The following ISY1 variants were observed in gnomAD, a reference collection of about 807,000 sequenced individuals.
The protein encoded by ISY1 is ISY1 spliceosome associated protein.
ISY1 carries 12 observed loss-of-function variants against 54.4 expected under a neutral mutation model. The observed-to-expected ratio is 0.22, with a 90% confidence interval of 0.14 to 0.36. ISY1 has a LOEUF of 0.36. Among genes scored for constraint, ISY1 ranks in the 10% least tolerant of loss-of-function variants. The pLI is 1.00. For synonymous variants in ISY1, 96 were observed against 117.9 expected (o/e 0.81, Z 1.20); for missense variants, 282 against 342.2 (o/e 0.82, Z 1.39).
intron 9 of ISY1, among the ~76,000 whole-genome samples, chr3:129,133,051 G>A (rs796505607): frequency 2.6e-5 from 4 of 152,282 alleles, no homozygotes; most frequent in East Asian, 1.9e-4. Context: ...ACCTGTGCAG[G>A]CAGCAAGGAC....
At chr3:129,156,398 CAAAAA>C (rs11437245) in intron 5 of ISY1, among the ~76,000 whole-genome samples, 166 of 115,312 alleles carry the variant, frequency 1.4e-3, no homozygotes, top group Non-Finnish European at 2.1e-3. Context: ...GACTCTGTCT[CAAAAA>C]AAAAAAAAAA....
rs1937292057 is a variant in ISY1, at chr3:129,160,930, GCCCGCCCATCCACTCGCTCCCTCA to G, written c.3+19_3+42del. 1.8e-6 allele frequency: 1 copy of G among 548,510 alleles called. No homozygotes were observed. The highest frequency in any genetic ancestry group is 3.0e-6 in the Non-Finnish European group (1 of 331,004). The allele number at this position is 548,510 out of a possible 1,614,324, so 34.0% of individuals were successfully genotyped here. ...AGGTGGACTGGGCGCCCCCCCGCCC[GCCCGCCCATCCACTCGCTCCCTCA>G]CCCGCCCACCCTACTCACCATGGTG... On this transcript the variant is annotated intron_variant, in intron 1 of 10. Transcript: ENST00000393295.
chr3:129,135,621 A>G (rs1936372104), intron 7 of ISY1, among the ~76,000 whole-genome samples: 1 of 151,450 alleles, frequency 6.6e-6, no homozygotes, highest in Non-Finnish European at 1.5e-5. Flanking sequence ...AAAATTAGCC[A>G]GGCATGGTGG....
Position 129,138,905 on chromosome 3 carries a change from T to C in ISY1, c.418+1463A>G, listed in dbSNP as rs535233587. Reference sequence around the variant, plus strand: ...TCATCACATATGAGGTGTGAAAATGTGAGTGGTTTTTTTCTGATTTTCTGT... The same window carrying C: ...TCATCACATATGAGGTGTGAAAATGCGAGTGGTTTTTTTCTGATTTTCTGT... On this transcript the variant is annotated intron_variant, in intron 7 of 10. Coordinates refer to ENST00000393295, the MANE Select transcript of ISY1 (RefSeq NM_020701.4). Among the ~76,000 whole-genome samples, 4 of 151,912 alleles carry C rather than the reference T, an allele frequency of 2.6e-5. No individual in the cohort carries two copies. The South Asian group carries it at 6.2e-4, about 24-fold the overall frequency.
chr3:129,158,104 C>A (rs1302098577), intron 3 of ISY1, among the ~76,000 whole-genome samples: 2 of 151,430 alleles, frequency 1.3e-5, no homozygotes, highest in African/African-American at 4.9e-5. Flanking sequence ...AGTGATCCAC[C>A]CCCCTCAGCC....
chr3:129,147,864 A>G (rs1271722579), intron 5 of ISY1, among the ~76,000 whole-genome samples: 2 of 152,184 alleles, frequency 1.3e-5, no homozygotes, highest in Non-Finnish European at 2.9e-5. Context: ...CATCATATAA[A>G]TGGATCAAAA....
chr3:129,140,202 C>T (rs955186351), intron 7 of ISY1, among the ~76,000 whole-genome samples, 166 bp downstream of exon 7: 1 of 152,208 alleles, frequency 6.6e-6, no homozygotes, highest in Non-Finnish European at 1.5e-5. Context: ...GCCTATGATT[C>T]TATCCCAGTT....
intron 5 of ISY1, among the ~76,000 whole-genome samples, chr3:129,151,364 C>T (rs1179114577): frequency 2.6e-5 from 4 of 151,930 alleles, no homozygotes; most frequent in African/African-American, 9.7e-5. Context: ...CATGGTGGCT[C>T]ATGCCTGTAA....
intron 5 of ISY1, among the ~76,000 whole-genome samples, chr3:129,151,840 T>C (rs368732341): frequency 3.4e-4 from 51 of 152,082 alleles, no homozygotes; most frequent in African/African-American, 1.2e-3. Flanking sequence ...CATTAAATAG[T>C]TTATTGGCTA....
chr3:129,130,643 A>C lies in ISY1; in HGVS notation c.664-7T>G, dbSNP rs767744655. On this transcript the variant is annotated splice_polypyrimidine_tract_variant and splice_region_variant and intron_variant, in intron 9 of 10. Coordinates refer to ENST00000393295, the MANE Select transcript of ISY1 (RefSeq NM_020701.4). ...GGCTGCCTTCCTCGTCCGACTACAA[A>C]CAGAACAAACGAAAGTCCATCAGTA... is the stretch of plus-strand genomic sequence containing the variant. 6 of 1,613,994 alleles carry C rather than the reference A, an allele frequency of 3.7e-6. No homozygotes were observed. The South Asian group carries it at 6.6e-5, about 18-fold the overall frequency.
At chr3:129,160,380 G>T (rs1055804887) in intron 1 of ISY1, among the ~76,000 whole-genome samples, 2 of 151,932 alleles carry the variant, frequency 1.3e-5, no homozygotes, top group Admixed American at 6.6e-5. Flanking sequence ...CGTCGTAAAT[G>T]CTTCTTGAAG....
chr3:129,130,152 G>C lies in ISY1; in HGVS notation c.787C>G (p.Leu263Val). The C allele has an allele frequency of 6.2e-7, 1 of 1,612,364 alleles. No individual in the cohort carries two copies. Among genetic ancestry groups the C allele is most frequent in the Non-Finnish European group, 8.5e-7 (1 of 1,179,404 alleles). Residue 263 changes from leucine to valine, a missense_variant, in exon 11 of 11, where the codon CTC becomes GTC. Physicochemically the swap from Leu to Val is conservative, Grantham distance 32. This residue lies in a region of ISY1 where 279 missense variants were observed against 323.6 expected (regional missense o/e 0.86). Transcript: ENST00000393295. The part of the protein sequence containing the change: ...EALVRRKKME[L>V]LQKYASETLQ... ...GTCTCGCTTGCATACTTCTGGAGGA[G>C]TTCCATTTTCTTCCTTCGCACCAGT...
chr3:129,140,480 A>G lies in ISY1; in HGVS notation c.306T>C (p.Val102=), dbSNP rs1936574332. 3.1e-6 allele frequency: 5 copies of G among 1,603,082 alleles called. No homozygotes were observed. The highest frequency in any genetic ancestry group is 3.4e-6 in the Non-Finnish European group (4 of 1,177,490). ...CTTCATGATCCAGCATTTTAGGGCC[A>G]ACTTTCTTATTGGGAAGAAAAAAAG... ...KELGGPDYGK[V]GPKMLDHEGK... is the part of the protein sequence containing the mutation. Residue 102 remains valine (V), a synonymous_variant, in exon 7 of 11, where the codon GTT becomes GTC. Transcript: ENST00000393295.
chr3:129,157,370 C>T (rs569983863), intron 3 of ISY1, among the ~76,000 whole-genome samples: 1 of 152,266 alleles, frequency 6.6e-6, no homozygotes, highest in East Asian at 1.9e-4. Context: ...CAGCTTACAG[C>T]TGTTCTCCAC....
At chr3:129,150,784 T>C (rs1936943750) in intron 5 of ISY1, among the ~76,000 whole-genome samples, 1 of 151,512 alleles carries the variant, frequency 6.6e-6, no homozygotes, top group Admixed American at 6.6e-5. Context: ...AATAGCACTT[T>C]AAAAAAATGT....
At chr3:129,149,584 T>TAAAAA (rs149839273) in intron 5 of ISY1, among the ~76,000 whole-genome samples, 1 of 16,678 alleles carries the variant, frequency 6.0e-5, no homozygotes, top group African/African-American at 2.3e-4. Flanking sequence ...CCGTCTCTAC[T>TAAAAA]AAAAAAAAAA....
intron 3 of ISY1, 104 bp downstream of exon 3, chr3:129,158,404 C>T (rs1435766147): frequency 1.3e-6 from 2 of 1,511,902 alleles, no homozygotes; most frequent in African/African-American, 1.4e-5. Context: ...AGTGATCCAC[C>T]CACCTCAGCC....
At chr3:129,134,007 C>T in intron 9 of ISY1, 67 bp downstream of exon 9, 1 of 1,599,552 alleles carries the variant, frequency 6.3e-7, no homozygotes, top group South Asian at 1.1e-5. Context: ...AGCCAAGTTT[C>T]CTCCCTGCCA....
chr3:129,153,391 A>C (rs1253948864), intron 5 of ISY1, among the ~76,000 whole-genome samples: 1 of 152,154 alleles, frequency 6.6e-6, no homozygotes, highest in Non-Finnish European at 1.5e-5. Context: ...AATTATTGAC[A>C]CTGTAGTTTA....
Sources: gnomAD v4.1 joint callset for allele counts (sites outside exome capture counted in the v4.1 genomes callset) on GRCh38, gnomAD v4.1.1 for gene constraint, gnomAD v4.1.1 regional missense constraint, MANE v1.5 for transcripts, NCBI Gene and HGNC (gene_info 2026-07-23, HGNC 2026-07-21) for gene names.